LTA4H: variants seen among roughly 807,000 people sequenced by gnomAD.
LTA4H encodes the protein leukotriene A-4 hydrolase.
A neutral mutation model predicts 89.8 loss-of-function variants in LTA4H; 59 were observed. The ratio of observed to expected loss-of-function variants is 0.66; its 90% confidence interval spans 0.53 to 0.82. The LOEUF (loss-of-function observed/expected upper bound fraction) is 0.82. Among genes scored for constraint, LTA4H ranks in the 40% least tolerant of loss-of-function variants. The pLI is 0.00. For missense variants in LTA4H, 617 were observed against 727.0 expected (o/e 0.85, Z 1.74); for synonymous variants, 227 against 253.1 (o/e 0.90, Z 0.98).
At chr12:96,007,134 T>C (rs1053958769) in intron 15 of LTA4H, among the ~76,000 whole-genome samples, 1 of 152,236 alleles carries the variant, frequency 6.6e-6, no homozygotes, top group Non-Finnish European at 1.5e-5. Context: ...TACTCCTCAG[T>C]AACTAATATT....
intron 14 of LTA4H, chr12:96,012,875 G>A (rs1238620211): frequency 1.6e-5 from 4 of 256,510 alleles, no homozygotes; most frequent in African/African-American, 6.5e-5. Context: ...TTATAACAGT[G>A]TTGTAATTAA....
intron 16 of LTA4H, among the ~76,000 whole-genome samples, chr12:96,005,914 A>C (rs528253408): frequency 9.5e-4 from 145 of 151,986 alleles, no homozygotes; most frequent in Admixed American, 1.8e-3. Flanking sequence ...TGCCCGGCTA[A>C]TTTTTATATT....
At chr12:96,033,908 G>T (rs188218624) in intron 1 of LTA4H, among the ~76,000 whole-genome samples, 1 of 152,222 alleles carries the variant, frequency 6.6e-6, no homozygotes. Context: ...ACCAAAGTGC[G>T]ATCTGCAAGG....
intron 7 of LTA4H, 108 bp from the exon 8 acceptor site, chr12:96,019,011 T>A: frequency 8.0e-7 from 1 of 1,243,806 alleles, no homozygotes; most frequent in Non-Finnish European, 1.1e-6. Flanking sequence ...GATTTTTATG[T>A]TAAATGAAAA....
chr12:96,020,048 C>T (rs1388455966), intron 6 of LTA4H, among the ~76,000 whole-genome samples: 1 of 152,012 alleles, frequency 6.6e-6, no homozygotes, highest in African/African-American at 2.4e-5. Context: ...GGACTACAGG[C>T]ATACACTACC....
Position 96,017,704 on chromosome 12 carries a change from C to T in LTA4H, c.853-124G>A. Reference sequence around the variant, plus strand: ...CCACTGTATTTCTACTACAGCACTTCAAAGAAGGTAAAAGAGACCTTAATT... The same window carrying T: ...CCACTGTATTTCTACTACAGCACTTTAAAGAAGGTAAAAGAGACCTTAATT... On this transcript the variant is annotated intron_variant, in intron 8 of 18. Coordinates refer to ENST00000228740, the MANE Select transcript of LTA4H (RefSeq NM_000895.3). 3 of 599,584 alleles carry T rather than the reference C, an allele frequency of 5.0e-6. No homozygotes were observed. The South Asian group carries it at 7.2e-5, about 14-fold the overall frequency. 37.1% of individuals were successfully genotyped at this position (599,584 alleles called of 1,614,324 possible).
intron 16 of LTA4H, among the ~76,000 whole-genome samples, chr12:96,005,464 T>C (rs1000712763): frequency 1.3e-5 from 2 of 152,192 alleles, no homozygotes; most frequent in African/African-American, 2.4e-5. Context: ...TAAAATTTCT[T>C]AGCTTAGCAT....
At chr12:96,004,746 T>C (rs1950170518) in intron 16 of LTA4H, among the ~76,000 whole-genome samples, 1 of 152,182 alleles carries the variant, frequency 6.6e-6, no homozygotes, top group African/African-American at 2.4e-5. Context: ...GCTAATAATT[T>C]AGTCCATTAG....
chr12:96,028,852 T>C (rs990219163), intron 2 of LTA4H, among the ~76,000 whole-genome samples: 3 of 152,230 alleles, frequency 2.0e-5, no homozygotes, highest in African/African-American at 4.8e-5. Context: ...TTGTATTATA[T>C]ACAAACAACA....
chr12:96,014,719 A>G, intron 12 of LTA4H, 136 bp downstream of exon 12: 1 of 799,034 alleles, frequency 1.3e-6, no homozygotes, highest in Non-Finnish European at 1.9e-6. Flanking sequence ...TCAGAAAACA[A>G]TACAGATTTC....
At position 96,035,368 on chromosome 12, in the gene LTA4H, C is replaced by G. The variant is rs765266426; in HGVS notation, c.152G>C (p.Arg51Pro). ...GCAGGCGCCCCACTGTACCAGGCTG[C>G]GCAGATTGTCCTCCTGAGACTGGAC... is the stretch of plus-strand genomic sequence containing the variant. ...LTVQSQEDNL[R>P]SLVLDTKDLT... The change falls in exon 1 of 19, where the codon CGC becomes CCC. Residue 51 changes from arginine to proline, a missense_variant. Arg to Pro is a moderately radical substitution (Grantham distance 103, BLOSUM62 -2). This residue lies in a region of LTA4H where 155 missense variants were observed against 143.3 expected (regional missense o/e 1.08). Coordinates refer to ENST00000228740, the MANE Select transcript of LTA4H (RefSeq NM_000895.3). 5.0e-6 allele frequency: 8 copies of G among 1,608,184 alleles called. No individual in the cohort carries two copies. In the East Asian group the frequency reaches 1.6e-4, roughly 32 times the overall value.
intron 14 of LTA4H, chr12:96,012,301 T>C (rs557529901): frequency 3.9e-5 from 6 of 152,222 alleles, no homozygotes; most frequent in African/African-American, 1.4e-4. Flanking sequence ...ATTTTGGTGA[T>C]CCAAAAGAAA....
At chr12:96,032,396 G>A (rs943886035) in intron 1 of LTA4H, among the ~76,000 whole-genome samples, 1 of 152,158 alleles carries the variant, frequency 6.6e-6, no homozygotes, top group Non-Finnish European at 1.5e-5. Flanking sequence ...TATCAATGTA[G>A]CCCATGTTAA....
Position 96,019,328 on chromosome 12 carries a change from C to T in LTA4H, c.639-88G>A, listed in dbSNP as rs575560411. 187 of 1,109,646 alleles carry T rather than the reference C, an allele frequency of 1.7e-4. No individual in the cohort carries two copies. In the African/African-American group the frequency reaches 2.7e-3, roughly 16 times the overall value. The allele number at this position is 1,109,646 out of a possible 1,614,324, so 68.7% of individuals were successfully genotyped here. ...AAGTAGTTAATGTCTTGTAGACAAA[C>T]CTTTACAGTGAGAGTGCATTTACCA... On this transcript the variant is annotated intron_variant, in intron 6 of 18. Transcript: ENST00000228740.
At chr12:96,037,229 C>G (rs2540486), upstream of LTA4H, among the ~76,000 whole-genome samples, 49,056 of 151,954 alleles carry the variant, frequency 0.32, 8,079 homozygotes, top group East Asian at 0.42. Context: ...ATATTTAAGT[C>G]CACAGCTCTG....
At chr12:96,036,780 C>T (rs748731522), upstream of LTA4H, among the ~76,000 whole-genome samples, 1 of 152,096 alleles carries the variant, frequency 6.6e-6, no homozygotes, top group Non-Finnish European at 1.5e-5. Flanking sequence ...GCTATAAATA[C>T]CTGAGACTGG....
At chr12:96,038,794 G>C (rs1447827221), upstream of LTA4H, among the ~76,000 whole-genome samples, 1 of 147,308 alleles carries the variant, frequency 6.8e-6, no homozygotes, top group African/African-American at 2.5e-5. Context: ...ATGGAGAAAG[G>C]ATAGTTTGTT....
At chr12:96,006,445 T>G in intron 15 of LTA4H, 36 bp from the exon 16 acceptor site, 1 of 1,211,744 alleles carries the variant, frequency 8.3e-7, no homozygotes, top group Non-Finnish European at 1.2e-6. Flanking sequence ...TTTGTTCAAG[T>G]ACAATTTAAT....
chr12:96,027,593 G>A, intron 2 of LTA4H, 29 bp from the exon 3 acceptor site: 1 of 1,430,116 alleles, frequency 7.0e-7, no homozygotes, highest in African/African-American at 1.4e-5. Context: ...TATATTAGTA[G>A]AGTATGATTC....
Sources: gnomAD v4.1 joint callset for allele counts (sites outside exome capture counted in the v4.1 genomes callset) on GRCh38, gnomAD v4.1.1 for gene constraint, gnomAD v4.1.1 regional missense constraint, MANE v1.5 for transcripts, NCBI Gene and HGNC (gene_info 2026-07-23, HGNC 2026-07-21) for gene names.